Variants in ADGRF5 observed in about 807,000 individuals in gnomAD.
ADGRF5 encodes G-protein coupled receptor 116.
Under a neutral mutation model 132.3 loss-of-function variants are expected in ADGRF5, and 75 were observed. The ratio of observed to expected loss-of-function variants is 0.57; its 90% confidence interval spans 0.47 to 0.69. ADGRF5 has a LOEUF of 0.69. Ranked by LOEUF, ADGRF5 falls within the 30% of genes least tolerant of loss-of-function variation. The pLI, the probability that ADGRF5 is intolerant of heterozygous loss-of-function variation, is 0.00. For synonymous variants in ADGRF5, 629 were observed against 597.6 expected (o/e 1.05, Z -0.77); for missense variants, 1,516 against 1,630.6 (o/e 0.93, Z 1.21).
At chr6:46,869,778 A>T (rs910733714) in intron 11 of ADGRF5, among the ~76,000 whole-genome samples, 28 of 152,240 alleles carry the variant, frequency 1.8e-4, no homozygotes, top group African/African-American at 6.0e-4. Context: ...CACTAACCTA[A>T]TAATTACACC....
chr6:46,869,343 C>A (rs541956128), intron 11 of ADGRF5: 1 of 985,324 alleles, frequency 1.0e-6, no homozygotes, highest in African/African-American at 1.7e-5. Context: ...TCGTGCACTT[C>A]ACTTTTGTGG....
At chr6:46,876,697 G>A (rs768250545) in intron 10 of ADGRF5, among the ~76,000 whole-genome samples, 2 of 152,052 alleles carry the variant, frequency 1.3e-5, no homozygotes, top group Non-Finnish European at 1.5e-5. Flanking sequence ...TCGGCCTCTC[G>A]GGTTCAAGTG....
upstream of ADGRF5, among the ~76,000 whole-genome samples, chr6:46,925,743 G>T (rs1777215298): frequency 6.6e-6 from 1 of 152,172 alleles, no homozygotes; most frequent in Admixed American, 6.5e-5. Context: ...AGTGACAACA[G>T]CAAAACTCTG....
chr6:46,879,870 G>A lies in ADGRF5; in HGVS notation c.984C>T (p.Asn328=), dbSNP rs776246932. Residue 328 remains asparagine (N), a synonymous_variant, in exon 9 of 21, where the codon AAC becomes AAT. Coordinates refer to ENST00000283296, the MANE Select transcript of ADGRF5 (RefSeq NM_001098518.2). ...TGGTGAGCTTGGACACCGAAGTCAT[G>A]TTGTTGAAAAGTGCGGTGTAAATCG... ...RFSIYTALFN[N]MTSVSKLTIH... 4 of 1,614,088 alleles carry A rather than the reference G, an allele frequency of 2.5e-6. No individual in the cohort carries two copies. The highest frequency in any genetic ancestry group is 1.1e-5 in the South Asian group (1 of 91,090).
intron 1 of ADGRF5, among the ~76,000 whole-genome samples, chr6:46,933,478 T>G (rs1264353832): frequency 2.6e-5 from 4 of 152,344 alleles, no homozygotes; most frequent in South Asian, 2.1e-4. Context: ...CTTTATTCAC[T>G]GGTCTTCTCT....
chr6:46,883,820 C>A (rs1772758063), intron 5 of ADGRF5, among the ~76,000 whole-genome samples, 155 bp from the exon 6 acceptor site: 1 of 152,250 alleles, frequency 6.6e-6, no homozygotes, highest in Non-Finnish European at 1.5e-5. Context: ...CAGCTCACTG[C>A]AACCTCTGCT....
rs1252789926 is a variant in ADGRF5 at position 46,868,919 on chromosome 6, C to G, written c.1585G>C (p.Val529Leu). ...TRRYLDGAES[V>L]LTVKTSTREW... ...CTGGTCGAGGTCTTGACTGTCAGTA[C>G]TGATTCTGCTCCATCAAGATACCTC... is the stretch of plus-strand genomic sequence containing the variant. The change falls in exon 12 of 21, where the codon GTA becomes CTA. Residue 529 changes from valine to leucine, a missense_variant. Physicochemically the swap from Val to Leu is conservative, Grantham distance 32. Transcript: ENST00000283296. The G allele has an allele frequency of 1.2e-6, 2 of 1,613,318 alleles. No individual in the cohort carries two copies. The highest frequency in any genetic ancestry group is 3.3e-5 in the Admixed American group (2 of 60,012).
At chr6:46,868,079 A>G (rs1770648456) in intron 12 of ADGRF5, among the ~76,000 whole-genome samples, 1 of 152,198 alleles carries the variant, frequency 6.6e-6, no homozygotes, top group Non-Finnish European at 1.5e-5. Context: ...TAGGCCTTAT[A>G]TGAAAATAAA....
chr6:46,942,055 T>C (rs948144689), intron 1 of ADGRF5, among the ~76,000 whole-genome samples: 1 of 152,214 alleles, frequency 6.6e-6, no homozygotes, highest in Non-Finnish European at 1.5e-5. Flanking sequence ...CTTAGCACCC[T>C]GCAAGCACTG....
intron 1 of ADGRF5, among the ~76,000 whole-genome samples, chr6:46,935,239 G>A (rs530731141): frequency 4.6e-5 from 7 of 152,040 alleles, no homozygotes; most frequent in South Asian, 2.1e-4. Context: ...TCCTGACCTC[G>A]TGATCCACCC....
At chr6:46,953,047 A>G (rs1778561197) in intron 1 of ADGRF5, among the ~76,000 whole-genome samples, 1 of 152,170 alleles carries the variant, frequency 6.6e-6, no homozygotes, top group South Asian at 2.1e-4. Context: ...TATTAGGGAA[A>G]TGCAAGGTAC....
intron 11 of ADGRF5, chr6:46,869,347 T>C (rs1770802643): frequency 1.0e-6 from 1 of 985,314 alleles, no homozygotes; most frequent in Non-Finnish European, 1.2e-6. Context: ...GCACTTCACT[T>C]TTGTGGCTGG....
intron 1 of ADGRF5, among the ~76,000 whole-genome samples, chr6:46,918,962 CA>C (rs1291139415): frequency 6.6e-6 from 1 of 152,168 alleles, no homozygotes; most frequent in Admixed American, 6.5e-5. Flanking sequence ...AACAAACAAA[CA>C]AAAAATCTAA....
intron 15 of ADGRF5, among the ~76,000 whole-genome samples, chr6:46,862,219 A>C (rs1172105064): frequency 1.3e-5 from 2 of 152,212 alleles, no homozygotes; most frequent in African/African-American, 4.8e-5. Flanking sequence ...AGATGTCATC[A>C]TTACCTATAA....
At chr6:46,855,515 C>A (rs1292628776) in intron 20 of ADGRF5, among the ~76,000 whole-genome samples, 2 of 152,150 alleles carry the variant, frequency 1.3e-5, no homozygotes, top group African/African-American at 4.8e-5. Flanking sequence ...CACAAGCACA[C>A]TTTATAAAAA....
chr6:46,896,876 TACA>T (rs1301074269), intron 3 of ADGRF5, among the ~76,000 whole-genome samples: 4 of 152,144 alleles, frequency 2.6e-5, no homozygotes, highest in Non-Finnish European at 4.4e-5. Flanking sequence ...AAAAGTACAG[TACA>T]ACAACTATTT....
rs757503035 is a variant in ADGRF5, at chr6:46,856,867, C to G, written c.3816G>C (p.Lys1272Asn). ...ILLFGCLWDLKVQEALLNKFS... is the reference protein window; with the variant it reads ...ILLFGCLWDLNVQEALLNKFS... Reference sequence around the variant, plus strand: ...AACATGAAACTGTCATTGCTCTTACCTTCAGATCCCAGAGGCATCCAAAGA... The same window carrying G: ...AACATGAAACTGTCATTGCTCTTACGTTCAGATCCCAGAGGCATCCAAAGA... Residue 1272 changes from lysine (K) to asparagine (N), a missense_variant and splice_region_variant, in exon 18 of 21, where the codon AAG becomes AAC. Physicochemically the swap from Lys to Asn is moderately conservative, Grantham distance 94. Coordinates refer to ENST00000283296, the MANE Select transcript of ADGRF5 (RefSeq NM_001098518.2). 3 of 1,609,774 alleles carry G rather than the reference C, an allele frequency of 1.9e-6. No individual in the cohort carries two copies. In the African/African-American group the frequency reaches 4.0e-5, roughly 22 times the overall value.
At chr6:46,934,011 T>C (rs1016258771) in intron 1 of ADGRF5, among the ~76,000 whole-genome samples, 4 of 152,240 alleles carry the variant, frequency 2.6e-5, no homozygotes, top group African/African-American at 9.6e-5. Context: ...CACTTTTCCA[T>C]TTTGTTGAAA....
chr6:46,871,783 G>C, intron 11 of ADGRF5, 60 bp downstream of exon 11: 1 of 1,185,112 alleles, frequency 8.4e-7, no homozygotes, highest in Non-Finnish European at 1.2e-6. Flanking sequence ...ACAGATCACT[G>C]GCAGCACTTA....
Sources: gnomAD v4.1 joint callset for allele counts (sites outside exome capture counted in the v4.1 genomes callset) on GRCh38, gnomAD v4.1.1 for gene constraint, MANE v1.5 for transcripts, NCBI Gene and HGNC (gene_info 2026-07-23, HGNC 2026-07-21) for gene names.